The following DLGAP2 variants were observed in gnomAD, a reference collection of about 807,000 sequenced individuals.
DLGAP2 encodes the protein DLG associated protein 2.
Under a neutral mutation model 100.3 loss-of-function variants are expected in DLGAP2, and 26 were observed. The observed-to-expected ratio is 0.26, with a 90% CI of 0.19 to 0.36. The LOEUF is 0.36. DLGAP2 is among the 10% of genes least tolerant of loss of function. DLGAP2 has a pLI of 1.00. For synonymous variants in DLGAP2, 886 were observed against 630.1 expected (o/e 1.41, Z -6.08); for missense variants, 1,858 against 1,453.2 (o/e 1.28, Z -4.53).
rs1482001431 is a variant in DLGAP2 at position 738,106 on chromosome 8, C to T, written c.18+281C>T. On this transcript the variant is annotated intron_variant, in intron 1 of 14. Transcript: ENST00000637795. The stretch of plus-strand genomic sequence containing the variant: ...TGGGCTCCGGGGGTGCGGGAGCGCA[C>T]GGGGCCGCGGAGGTGTGAAATTCTC... 15 of 208,808 alleles carry T rather than the reference C, an allele frequency of 7.2e-5. No homozygotes were observed. In the East Asian group the frequency reaches 1.6e-3, roughly 22 times the overall value. The allele number at this position is 208,808 out of a possible 1,614,324, so 12.9% of individuals were successfully genotyped here.
At chr8:1,071,097 C>G (rs2129037338) in intron 2 of DLGAP2, among the ~76,000 whole-genome samples, 1 of 152,290 alleles carries the variant, frequency 6.6e-6, no homozygotes, top group South Asian at 2.1e-4. Flanking sequence ...CTCCTGGCCT[C>G]CTCCCACTGG....
At chr8:948,180 G>A (rs926505329) in intron 2 of DLGAP2, among the ~76,000 whole-genome samples, 1 of 152,236 alleles carries the variant, frequency 6.6e-6, no homozygotes, top group Non-Finnish European at 1.5e-5. Context: ...CAGGCCGTGG[G>A]ACAACTTGGG....
chr8:1,324,337 T>A (rs943079656), intron 3 of DLGAP2, among the ~76,000 whole-genome samples: 2 of 152,210 alleles, frequency 1.3e-5, no homozygotes, highest in African/African-American at 4.8e-5. Flanking sequence ...ATCTCTTCTG[T>A]ACTGACTCAA....
At chr8:1,087,344 C>G (rs377330918) in intron 2 of DLGAP2, among the ~76,000 whole-genome samples, 14 of 152,210 alleles carry the variant, frequency 9.2e-5, no homozygotes, top group Non-Finnish European at 1.8e-4. Context: ...TGTCCTCCAG[C>G]TCACTTGAAG....
intron 2 of DLGAP2, among the ~76,000 whole-genome samples, chr8:1,042,193 C>T (rs936811341): frequency 1.3e-5 from 2 of 152,270 alleles, no homozygotes; most frequent in Non-Finnish European, 2.9e-5. Flanking sequence ...ATGCCTTGTC[C>T]GGCTTTCCCA....
At chr8:1,031,155 T>C (rs945783651) in intron 2 of DLGAP2, among the ~76,000 whole-genome samples, 2 of 152,170 alleles carry the variant, frequency 1.3e-5, no homozygotes, top group African/African-American at 4.8e-5. Flanking sequence ...TGTTTTTGTG[T>C]CATGATGCCG....
chr8:1,160,553 A>G (rs1796870115), intron 2 of DLGAP2, among the ~76,000 whole-genome samples: 1 of 152,174 alleles, frequency 6.6e-6, no homozygotes, highest in African/African-American at 2.4e-5. Flanking sequence ...GGATGCCTTT[A>G]TCTTACACTC....
intron 2 of DLGAP2, among the ~76,000 whole-genome samples, chr8:1,083,060 G>C (rs1382464336): frequency 6.6e-6 from 1 of 152,214 alleles, no homozygotes; most frequent in African/African-American, 2.4e-5. Context: ...TGCTGAGTTT[G>C]CTGTCAGTCA....
intron 3 of DLGAP2, among the ~76,000 whole-genome samples, chr8:1,323,424 G>A (rs1800951074): frequency 6.6e-6 from 1 of 152,204 alleles, no homozygotes; most frequent in Admixed American, 6.5e-5. Flanking sequence ...GAGTCTGGGT[G>A]GCCCCGGTAG....
intron 1 of DLGAP2, among the ~76,000 whole-genome samples, chr8:764,810 A>G (rs973480163): frequency 6.6e-6 from 1 of 152,194 alleles, no homozygotes; most frequent in Admixed American, 6.5e-5. Flanking sequence ...CCTAAGCAAA[A>G]AAGCAGTCTA....
At chr8:1,010,231 C>T (rs1259451314) in intron 2 of DLGAP2, among the ~76,000 whole-genome samples, 1 of 152,192 alleles carries the variant, frequency 6.6e-6, no homozygotes, top group African/African-American at 2.4e-5. Flanking sequence ...TTTATACACA[C>T]ATACACACAT....
intron 2 of DLGAP2, among the ~76,000 whole-genome samples, chr8:1,023,703 G>A (rs544463778): frequency 3.9e-5 from 6 of 152,044 alleles, no homozygotes; most frequent in African/African-American, 1.4e-4. Flanking sequence ...TTTCCCCATC[G>A]CAGCCCAGCC....
Position 1,413,329 on chromosome 8 carries a change from CAG to C in DLGAP2, c.107-88034_107-88033del, listed in dbSNP as rs367805020. 3.0e-4 allele frequency among the ~76,000 whole-genome samples: 45 copies of C among 152,148 alleles called. 1 individual carries two copies. The East Asian group carries it at 8.7e-3, about 29-fold the overall frequency. The stretch of plus-strand genomic sequence containing the variant: ...ATAAATGGATAGATATTTTCAAGAA[CAG>C]AGGAAGAAAATGAATTACTATTGTA... On this transcript the variant is annotated intron_variant, in intron 3 of 14. Coordinates refer to ENST00000637795, the MANE Select transcript of DLGAP2 (RefSeq NM_001346810.2).
chr8:1,346,427 C>T (rs1026789051), intron 3 of DLGAP2, among the ~76,000 whole-genome samples: 16 of 150,558 alleles, frequency 1.1e-4, no homozygotes, highest in Non-Finnish European at 2.1e-4. Context: ...AGGTTGAGTT[C>T]CCTGTACACA....
intron 3 of DLGAP2, among the ~76,000 whole-genome samples, chr8:1,266,289 C>T (rs755779809): frequency 1.2e-4 from 19 of 152,228 alleles, no homozygotes; most frequent in Non-Finnish European, 2.4e-4. Context: ...CTTACCCAAG[C>T]AGCCATGCTT....
At chr8:769,304 A>G (rs867241406) in intron 1 of DLGAP2, among the ~76,000 whole-genome samples, 1 of 152,000 alleles carries the variant, frequency 6.6e-6, no homozygotes, top group Admixed American at 6.6e-5. Flanking sequence ...TTGAGTTTCC[A>G]CTTGGATATC....
intron 2 of DLGAP2, among the ~76,000 whole-genome samples, chr8:1,255,156 G>T (rs1799163930): frequency 9.0e-6 from 1 of 110,994 alleles, no homozygotes; most frequent in Non-Finnish European, 1.8e-5. Context: ...GTCCTCTCCT[G>T]CCCGGGTGCT....
intron 2 of DLGAP2, among the ~76,000 whole-genome samples, chr8:963,893 AG>A (rs1799785460): frequency 6.6e-6 from 1 of 152,234 alleles, no homozygotes; most frequent in African/African-American, 2.4e-5. Flanking sequence ...TGTAAAGCCA[AG>A]TCCAGGTGGC....
At chr8:1,601,868 C>T (rs1027246507) in intron 6 of DLGAP2, among the ~76,000 whole-genome samples, 5 of 151,982 alleles carry the variant, frequency 3.3e-5, no homozygotes, top group Non-Finnish European at 7.4e-5. Context: ...AGCACCTGTT[C>T]AGTGAGACAT....
Sources: allele counts gnomAD v4.1 joint callset (sites outside exome capture counted in the v4.1 genomes callset), GRCh38; gene constraint gnomAD v4.1.1; transcripts MANE v1.5; gene names NCBI Gene and HGNC (gene_info 2026-07-23, HGNC 2026-07-21).